LINGO2: variants seen among roughly 807,000 people sequenced by gnomAD.
The protein encoded by LINGO2 is leucine-rich repeat and immunoglobulin-like domain-containing nogo receptor-interacting protein 2.
A neutral mutation model predicts 30.6 loss-of-function variants in LINGO2; 14 were observed. The ratio of observed to expected loss-of-function variants is 0.46; its 90% confidence interval spans 0.30 to 0.72. The LOEUF (loss-of-function observed/expected upper bound fraction) is 0.72. Ranked by LOEUF, LINGO2 falls within the 30% of genes least tolerant of loss-of-function variation. The pLI is 0.07. For synonymous variants in LINGO2, 317 were observed against 288.5 expected (o/e 1.10, Z -1.00); for missense variants, 729 against 751.7 (o/e 0.97, Z 0.35).
At position 28,624,552 on chromosome 9, in the gene LINGO2, A is replaced by T. The variant is rs533770928; in HGVS notation, c.-365+45648T>A. On this transcript the variant is annotated intron_variant, in intron 1 of 5. Transcript: ENST00000379992. The stretch of plus-strand genomic sequence containing the variant: ...CATGGTAAATGATCTTTTTAAAAGT[A>T]TTGTTGAATTTGGTTTGCTTAGTAT... Among the ~76,000 whole-genome samples, 4 of 151,804 alleles carry T rather than the reference A, an allele frequency of 2.6e-5. 1 individual carries two copies. The South Asian group carries it at 8.3e-4, about 32-fold the overall frequency.
At chr9:28,506,409 TATATATATATATACACACACACAC>T (rs1168133011) in intron 1 of LINGO2, among the ~76,000 whole-genome samples, 1 of 74,222 alleles carries the variant, frequency 1.3e-5, no homozygotes, top group Non-Finnish European at 2.7e-5. Context: ...CATATATATA[TATATATATATATACACACACACAC>T]ACACACACAC....
intron 1 of LINGO2, among the ~76,000 whole-genome samples, chr9:28,639,921 G>A (rs978514303): frequency 6.6e-6 from 1 of 152,018 alleles, no homozygotes; most frequent in Non-Finnish European, 1.5e-5. Context: ...AGCCTTGATG[G>A]TCTTTACAAT....
chr9:28,451,728 A>G (rs1395137830), intron 2 of LINGO2, among the ~76,000 whole-genome samples: 1 of 151,722 alleles, frequency 6.6e-6, no homozygotes, highest in Non-Finnish European at 1.5e-5. Context: ...ATCAGTCTGT[A>G]TGAATATTTT....
the LINGO2 span, among the ~76,000 whole-genome samples, chr9:29,130,528 A>C: frequency 6.6e-6 from 1 of 152,182 alleles, no homozygotes; most frequent in African/African-American, 2.4e-5. Context: ...TGGCCCTCTT[A>C]AGAATCCATA....
the LINGO2 span, among the ~76,000 whole-genome samples, chr9:28,705,906 T>C: frequency 6.6e-6 from 1 of 152,014 alleles, no homozygotes; most frequent in East Asian, 1.9e-4. Context: ...CTCACTTCTC[T>C]GATGAATCTA....
At chr9:28,440,632 T>C (rs1024221607) in intron 2 of LINGO2, among the ~76,000 whole-genome samples, 1 of 152,140 alleles carries the variant, frequency 6.6e-6, no homozygotes, top group Non-Finnish European at 1.5e-5. Context: ...ACAAAAGTAA[T>C]TTACCTTTGG....
At chr9:28,309,965 A>C (rs1289029978) in intron 3 of LINGO2, among the ~76,000 whole-genome samples, 1 of 152,178 alleles carries the variant, frequency 6.6e-6, no homozygotes, top group Non-Finnish European at 1.5e-5. Flanking sequence ...ATTGCCACAC[A>C]GCTATTAAAT....
intron 4 of LINGO2, among the ~76,000 whole-genome samples, chr9:28,208,639 G>T (rs968557606): frequency 1.3e-5 from 2 of 151,952 alleles, no homozygotes; most frequent in South Asian, 4.1e-4. Flanking sequence ...CTTCTACGGA[G>T]AATAAACTTG....
At chr9:28,529,413 G>A (rs769749810) in intron 1 of LINGO2, among the ~76,000 whole-genome samples, 13 of 152,034 alleles carry the variant, frequency 8.6e-5, no homozygotes, top group Admixed American at 5.2e-4. Flanking sequence ...TTTTTCACAC[G>A]TTAATGACTC....
chr9:28,108,361 T>A (rs534955940), intron 4 of LINGO2, among the ~76,000 whole-genome samples: 2 of 152,246 alleles, frequency 1.3e-5, no homozygotes, highest in Admixed American at 1.3e-4. Flanking sequence ...GCTACAACTA[T>A]TAAACAGCAT....
At chr9:28,180,942 G>A (rs1828894180) in intron 4 of LINGO2, among the ~76,000 whole-genome samples, 1 of 152,156 alleles carries the variant, frequency 6.6e-6, no homozygotes, top group Non-Finnish European at 1.5e-5. Context: ...ATTTGCCAAT[G>A]TAGCCTTCTA....
the LINGO2 span, among the ~76,000 whole-genome samples, chr9:28,783,192 G>T: frequency 2.6e-5 from 4 of 152,126 alleles, no homozygotes; most frequent in African/African-American, 9.7e-5. Context: ...AGTACCTAAA[G>T]AAATGAATAT....
chr9:28,942,821 T>A, the LINGO2 span, among the ~76,000 whole-genome samples: 1 of 152,176 alleles, frequency 6.6e-6, no homozygotes, highest in East Asian at 1.9e-4. Flanking sequence ...GCTATCTCCC[T>A]CTCCCTTCCC....
chr9:28,003,550 C>T (rs749322587), intron 5 of LINGO2, among the ~76,000 whole-genome samples: 3 of 152,116 alleles, frequency 2.0e-5, no homozygotes, highest in Non-Finnish European at 4.4e-5. Context: ...GCTCCGCCTC[C>T]CGAGTTCATG....
chr9:28,028,418 C>A (rs1030249688), intron 4 of LINGO2, among the ~76,000 whole-genome samples: 1 of 152,102 alleles, frequency 6.6e-6, no homozygotes, highest in African/African-American at 2.4e-5. Context: ...CGGACATCTA[C>A]AGTATAAAAG....
At chr9:29,099,242 T>A in the LINGO2 span, among the ~76,000 whole-genome samples, 1 of 152,186 alleles carries the variant, frequency 6.6e-6, no homozygotes, top group African/African-American at 2.4e-5. Context: ...CAAAATTGAT[T>A]AAAGACTTAA....
At chr9:29,040,175 C>T in the LINGO2 span, among the ~76,000 whole-genome samples, 1 of 151,930 alleles carries the variant, frequency 6.6e-6, no homozygotes, top group Admixed American at 6.6e-5. Context: ...TCTTGGCTAT[C>T]TATTATATTA....
intron 2 of LINGO2, among the ~76,000 whole-genome samples, chr9:28,456,216 A>G (rs576374477): frequency 1.3e-5 from 2 of 152,316 alleles, no homozygotes; most frequent in African/African-American, 2.4e-5. Flanking sequence ...AAGCAAAGTG[A>G]AAAAGACTTG....
At chr9:28,176,820 T>C (rs1301078830) in intron 4 of LINGO2, among the ~76,000 whole-genome samples, 1 of 152,226 alleles carries the variant, frequency 6.6e-6, no homozygotes, top group African/African-American at 2.4e-5. Flanking sequence ...TAAGCACGTG[T>C]AGTGTACTTA....
Sources: gnomAD v4.1 joint callset for allele counts (sites outside exome capture counted in the v4.1 genomes callset) on GRCh38, gnomAD v4.1.1 for gene constraint, MANE v1.5 for transcripts, NCBI Gene and HGNC (gene_info 2026-07-23, HGNC 2026-07-21) for gene names.